The following NTN1 variants were observed in gnomAD, a reference collection of about 807,000 sequenced individuals.
NTN1 encodes netrin-1.
A neutral mutation model predicts 54.2 loss-of-function variants in NTN1; 11 were observed. That is an observed-to-expected ratio of 0.20 (90% CI 0.13 to 0.34). NTN1 has a LOEUF of 0.34. Among genes scored for constraint, NTN1 ranks in the 10% least tolerant of loss-of-function variants. The pLI, the probability that NTN1 is intolerant of heterozygous loss-of-function variation, is 1.00. For synonymous variants in NTN1, 371 were observed against 382.0 expected (o/e 0.97, Z 0.33); for missense variants, 740 against 893.1 (o/e 0.83, Z 2.18).
chr17:9,197,359 T>G (rs1184538880), intron 5 of NTN1, among the ~76,000 whole-genome samples: 1 of 151,896 alleles, frequency 6.6e-6, no homozygotes, highest in Non-Finnish European at 1.5e-5. Flanking sequence ...TGAAGAGGGA[T>G]TAGAAATTCA....
At chr17:9,039,552 T>G (rs138560842) in intron 2 of NTN1, among the ~76,000 whole-genome samples, 1 of 152,322 alleles carries the variant, frequency 6.6e-6, no homozygotes, top group African/African-American at 2.4e-5. Context: ...ATATAAAAAG[T>G]ATAACTTGGT....
At chr17:9,228,364 A>G (rs1381132353) in intron 6 of NTN1, among the ~76,000 whole-genome samples, 2 of 152,168 alleles carry the variant, frequency 1.3e-5, no homozygotes, top group East Asian at 1.9e-4. Context: ...CGTTCAGTGC[A>G]GTGTGGGGCC....
chr17:9,201,755 G>C (rs1047908492), intron 5 of NTN1, among the ~76,000 whole-genome samples: 2 of 152,180 alleles, frequency 1.3e-5, no homozygotes, highest in Admixed American at 1.3e-4. Context: ...TCTCACGCCA[G>C]TTCCCATTGG....
chr17:9,102,379 G>A (rs2092153464), intron 2 of NTN1, among the ~76,000 whole-genome samples: 1 of 150,698 alleles, frequency 6.6e-6, no homozygotes, highest in African/African-American at 2.4e-5. Flanking sequence ...TGAAGGGGAA[G>A]CCCCTTAAAA....
chr17:9,230,434 C>T (rs1441264307), intron 6 of NTN1, among the ~76,000 whole-genome samples: 1 of 104,830 alleles, frequency 9.5e-6, no homozygotes, highest in Non-Finnish European at 1.9e-5. Flanking sequence ...CTCTGATTTC[C>T]CCCACCAGAT....
intron 3 of NTN1, among the ~76,000 whole-genome samples, chr17:9,163,788 G>C (rs201195489): frequency 1.8e-4 from 27 of 151,770 alleles, no homozygotes; most frequent in South Asian, 4.2e-4. Context: ...GAGAAGCGGG[G>C]CCCCCCCCAC....
At chr17:9,210,385 A>G (rs62068231) in intron 5 of NTN1, among the ~76,000 whole-genome samples, 8,922 of 151,820 alleles carry the variant, frequency 0.059, 588 homozygotes, top group East Asian at 0.35. Flanking sequence ...ATTCAGGGAG[A>G]GGATGAAACC....
chr17:9,150,893 A>G (rs1175348759), intron 2 of NTN1, among the ~76,000 whole-genome samples: 4 of 152,032 alleles, frequency 2.6e-5, no homozygotes, highest in Non-Finnish European at 4.4e-5. Context: ...ACAGCGGGAG[A>G]AAGAACCACA....
chr17:9,064,516 C>A (rs1187689354), intron 2 of NTN1, among the ~76,000 whole-genome samples: 1 of 152,204 alleles, frequency 6.6e-6, no homozygotes, highest in Non-Finnish European at 1.5e-5. Context: ...CCAAATCCCT[C>A]TTTTTCTTTC....
intron 2 of NTN1, among the ~76,000 whole-genome samples, chr17:9,105,182 G>A (rs1425966207): frequency 3.9e-5 from 6 of 152,322 alleles, no homozygotes; most frequent in Non-Finnish European, 5.9e-5. Flanking sequence ...TGGCCTTTAG[G>A]AAGAGCCCCC....
chr17:9,103,032 T>C (rs1454004709), intron 2 of NTN1, among the ~76,000 whole-genome samples: 2 of 152,198 alleles, frequency 1.3e-5, no homozygotes, highest in Non-Finnish European at 2.9e-5. Context: ...GATAGTGTTC[T>C]GGTTCTTGGC....
At chr17:9,193,096 GAAAA>G (rs1904512413) in intron 5 of NTN1, among the ~76,000 whole-genome samples, 1 of 91,090 alleles carries the variant, frequency 1.1e-5, no homozygotes, top group Admixed American at 1.1e-4. Context: ...AAAAAAAAAA[GAAAA>G]AGAAAAAAAA....
At chr17:9,048,492 G>A (rs2091948362) in intron 2 of NTN1, among the ~76,000 whole-genome samples, 1 of 152,082 alleles carries the variant, frequency 6.6e-6, no homozygotes, top group Admixed American at 6.5e-5. Context: ...TAGTAAATGA[G>A]CATTGGCTTT....
intron 4 of NTN1, among the ~76,000 whole-genome samples, chr17:9,181,608 G>C (rs867057825): frequency 6.6e-6 from 1 of 152,188 alleles, no homozygotes; most frequent in Non-Finnish European, 1.5e-5. Flanking sequence ...TCCCCCACTT[G>C]TTCTTCCTAA....
rs1905334969 is a variant in NTN1 at position 9,221,145 on chromosome 17, G to C, written c.1412-23G>C. Reference sequence around the variant, plus strand: ...GCCAGCCTAATTAGTTTTTGTCTGTGCTCCCCCCCCACCCCCCTGCAGACT... The same window carrying C: ...GCCAGCCTAATTAGTTTTTGTCTGTCCTCCCCCCCCACCCCCCTGCAGACT... On this transcript the variant is annotated intron_variant, in intron 5 of 6. Coordinates refer to ENST00000173229, the MANE Select transcript of NTN1 (RefSeq NM_004822.3). This position sits in a 1 kb window ranked among gnomAD's most constrained non-coding sequence, Gnocchi z 4.5. 1 of 1,503,280 alleles carries C rather than the reference G, an allele frequency of 6.7e-7. No homozygotes were observed. The highest frequency in any genetic ancestry group is 1.7e-5 in the African/African-American group (1 of 58,374). The allele number at this position is 1,503,280 out of a possible 1,614,324, so 93.1% of individuals were successfully genotyped here. A position where few individuals can be genotyped will look rare whatever the true frequency, so the allele number is the denominator to read the frequency against.
intron 5 of NTN1, among the ~76,000 whole-genome samples, chr17:9,203,932 G>A (rs1188416014): frequency 6.6e-6 from 1 of 152,206 alleles, no homozygotes; most frequent in Non-Finnish European, 1.5e-5. Flanking sequence ...AGGAAGCCTT[G>A]GAAGGGGAGG....
rs575561426 is a variant in NTN1 at position 9,191,637 on chromosome 17, A to T, written c.1411+8668A>T. ...ATCCTAATATGAAATCAGGCTAAAA[A>T]AGTGAACTAGAAATTTAGAGAATTT... On this transcript the variant is annotated intron_variant, in intron 5 of 6. Transcript: ENST00000173229. Among the ~76,000 whole-genome samples the T allele has an allele frequency of 4.6e-5, 7 of 152,306 alleles. No homozygotes were observed. In the South Asian group the frequency reaches 1.5e-3, roughly 32 times the overall value.
chr17:9,184,626 A>G (rs1221678234), intron 5 of NTN1, among the ~76,000 whole-genome samples: 1 of 152,208 alleles, frequency 6.6e-6, no homozygotes, highest in African/African-American at 2.4e-5. Context: ...TGCAAGGGCA[A>G]GACAGACCTC....
chr17:9,050,315 A>G (rs552558184), intron 2 of NTN1, among the ~76,000 whole-genome samples: 4 of 152,188 alleles, frequency 2.6e-5, no homozygotes, highest in Non-Finnish European at 5.9e-5. Context: ...GCCCTTGAGC[A>G]TCGTGAGTCC....
Sources: allele counts gnomAD v4.1 joint callset (sites outside exome capture counted in the v4.1 genomes callset), GRCh38; gene constraint gnomAD v4.1.1; non-coding constraint Gnocchi (gnomAD v3.1); transcripts MANE v1.5; gene names NCBI Gene and HGNC (gene_info 2026-07-23, HGNC 2026-07-21).